The following LIMS2 variants were observed in gnomAD, a reference collection of about 807,000 sequenced individuals.
The protein encoded by LIMS2 is LIM and senescent cell antigen-like-containing domain protein 2.
LIMS2 carries 30 observed loss-of-function variants against 45.3 expected under a neutral mutation model. The ratio of observed to expected loss-of-function variants is 0.66; its 90% CI spans 0.50 to 0.90. LIMS2 has a LOEUF of 0.90. Among genes scored for constraint, LIMS2 ranks in the 40% least tolerant of loss-of-function variants. The pLI is 0.00. For missense variants in LIMS2, 485 were observed against 468.7 expected (o/e 1.03, Z -0.32); for synonymous variants, 173 against 188.0 (o/e 0.92, Z 0.65).
rs1338071828 is a variant in LIMS2 at position 127,664,280 on chromosome 2, C to T, written c.12-6718G>A. The T allele has an allele frequency of 2.4e-6, 3 of 1,234,130 alleles. No individual in the cohort carries two copies. Among genetic ancestry groups the T allele is most frequent in the Non-Finnish European group, 3.0e-6 (3 of 989,658 alleles). The allele number at this position is 1,234,130 out of a possible 1,614,324, so 76.4% of individuals were successfully genotyped here. A position where few individuals can be genotyped will look rare whatever the true frequency, so the allele number is the denominator to read the frequency against. ...GCAGCTTTCCGGCCATTGTCCCCGC[C>T]ACCCGCCCCGCCCCTGGCCACCTAC... On this transcript the variant is annotated intron_variant, in intron 1 of 9. Transcript: ENST00000355119. The surrounding 1 kb of genome is among the most constrained non-coding windows in gnomAD (Gnocchi z 5.5).
rs756870297 is a variant in LIMS2 at position 127,640,918 on chromosome 2, T to G, written c.731A>C (p.Tyr244Ser). 1.2e-6 allele frequency: 2 copies of G among 1,613,732 alleles called. No homozygotes were observed. Among genetic ancestry groups the G allele is most frequent in the East Asian group, 4.5e-5 (2 of 44,894 alleles). Residue 244 changes from tyrosine to serine, a missense_variant, in exon 7 of 10, where the codon TAC (tyrosine) becomes TCC (serine). Transcript: ENST00000355119. The part of the protein sequence containing the change: ...HRHYEKKGLA[Y>S]CETHYNQLFG... ...CACCTGGTTGTAGTGAGTCTCGCAGTAGGCCAGGCCCTTCTTCTCATAGTG... is the reference window on the plus strand; with the variant it reads ...CACCTGGTTGTAGTGAGTCTCGCAGGAGGCCAGGCCCTTCTTCTCATAGTG...
Position 127,642,959 on chromosome 2 carries a change from G to T in LIMS2, c.473C>A (p.Ala158Asp). The T allele has an allele frequency of 6.4e-7, 1 of 1,567,736 alleles. No individual in the cohort carries two copies. Among genetic ancestry groups the T allele is most frequent in the African/African-American group, 1.4e-5 (1 of 73,902 alleles). Residue 158 changes from alanine (A) to aspartate (D), a missense_variant, in exon 5 of 10, where the codon GCC becomes GAC. Transcript: ENST00000355119. The surrounding 1 kb of genome is among the most constrained non-coding windows in gnomAD (Gnocchi z 5.3). ...DEQPLMFRSD[A>D]YHPDHFNCTH... ...GCAGTTGAAGTGGTCAGGGTGGTAG[G>T]CGTCGCTCCTGAACATGAGGGGCTG...
intron 4 of LIMS2, among the ~76,000 whole-genome samples, chr2:127,649,039 AAGAAAG>A (rs1225064760): frequency 9.1e-6 from 1 of 109,844 alleles, no homozygotes; most frequent in Non-Finnish European, 2.1e-5. Context: ...AAGAAAAAGA[AAGAAAG>A]AGAAAAGAAG....
chr2:127,640,430 C>T (rs945053517), intron 7 of LIMS2, 112 bp from the exon 8 acceptor site: 3 of 1,186,890 alleles, frequency 2.5e-6, no homozygotes, highest in Admixed American at 3.9e-5. Flanking sequence ...ATCTCCCAGG[C>T]CCTGCCTCCC....
chr2:127,674,579 T>G (rs778775674), intron 1 of LIMS2: 3 of 950,874 alleles, frequency 3.2e-6, no homozygotes, highest in Non-Finnish European at 3.8e-6. Context: ...CCACCCCAGG[T>G]TTACAGAGGA....
chr2:127,644,513 GCCTATGGCGGCCAGC>G (rs1254886902), intron 4 of LIMS2, among the ~76,000 whole-genome samples: 1 of 152,106 alleles, frequency 6.6e-6, no homozygotes, highest in Non-Finnish European at 1.5e-5. Flanking sequence ...CCCACCTGGC[GCCTATGGCGGCCAGC>G]CCATGCCCCC....
chr2:127,673,518 G>T (rs985676772), intron 1 of LIMS2, among the ~76,000 whole-genome samples: 6 of 152,142 alleles, frequency 3.9e-5, no homozygotes, highest in African/African-American at 1.4e-4. Flanking sequence ...CTCACCTGAC[G>T]GCCTCCGTCT....
chr2:127,651,092 C>T (rs375590820), intron 4 of LIMS2: 3 of 1,613,740 alleles, frequency 1.9e-6, no homozygotes, highest in Non-Finnish European at 2.5e-6. Context: ...ACGCCAGCAT[C>T]TACTTCCTCA....
chr2:127,649,309 G>A (rs1411524863), intron 4 of LIMS2, among the ~76,000 whole-genome samples: 1 of 152,198 alleles, frequency 6.6e-6, no homozygotes, highest in Non-Finnish European at 1.5e-5. Context: ...TGCCAGGGCT[G>A]TGGCCCGTGC....
rs1684852360 is a variant in LIMS2, at chr2:127,664,128, A to G, written c.12-6566T>C. ...GGAGAGCTGATCACAGGTGACATCC[A>G]ACCCTGTTAGATAAAGTCGCACGCG... On this transcript the variant is annotated intron_variant, in intron 1 of 9. Coordinates refer to ENST00000355119, the MANE Select transcript of LIMS2 (RefSeq NM_001161403.3). This position sits in a 1 kb window ranked among gnomAD's most constrained non-coding sequence, Gnocchi z 5.5. Among the ~76,000 whole-genome samples, 1 of 151,978 alleles carries G rather than the reference A, an allele frequency of 6.6e-6. No homozygotes were observed.
At position 127,642,208 on chromosome 2, in the gene LIMS2, C is replaced by T. The variant is rs1004608494; in HGVS notation, c.510-9G>A. 1 of 1,536,020 alleles carries T rather than the reference C, an allele frequency of 6.5e-7. No homozygotes were observed. The highest frequency in any genetic ancestry group is 1.8e-4 in the Middle Eastern group (1 of 5,438). ...CGGCTGTCAGCTCCTTCCTGGAAGA[C>T]AGCGTGCAGCCCCCAGGTGCCACCC... On this transcript the variant is annotated splice_polypyrimidine_tract_variant and intron_variant, in intron 5 of 9. Transcript: ENST00000355119. The surrounding 1 kb of genome is among the most constrained non-coding windows in gnomAD (Gnocchi z 5.3).
At chr2:127,650,132 G>C in intron 4 of LIMS2, 1 of 1,490,432 alleles carries the variant, frequency 6.7e-7, no homozygotes, top group Non-Finnish European at 9.2e-7. Flanking sequence ...CTGCCATCCT[G>C]GGGGCACCCT....
At position 127,642,345 on chromosome 2, in the gene LIMS2, C is replaced by T. The variant is rs933203767; in HGVS notation, c.510-146G>A. On this transcript the variant is annotated intron_variant, in intron 5 of 9. Transcript: ENST00000355119. The surrounding 1 kb of genome is among the most constrained non-coding windows in gnomAD (Gnocchi z 5.3). ...GCGGCAGCGCCTTCTGATCTCTGGGCACTTTGAAGACTTCCTGTGCCCCAG... is the reference window on the plus strand; with the variant it reads ...GCGGCAGCGCCTTCTGATCTCTGGGTACTTTGAAGACTTCCTGTGCCCCAG... 1.1e-5 allele frequency: 10 copies of T among 918,358 alleles called. No individual in the cohort carries two copies. In the East Asian group the frequency reaches 2.8e-4, roughly 26 times the overall value. The allele number at this position is 918,358 out of a possible 1,614,324, so 56.9% of individuals were successfully genotyped here. A position where few individuals can be genotyped will look rare whatever the true frequency, so the allele number is the denominator to read the frequency against.
chr2:127,672,629 G>T lies in LIMS2; in HGVS notation c.11+2385C>A, dbSNP rs145782676. On this transcript the variant is annotated intron_variant, in intron 1 of 9. Transcript: ENST00000355119. The surrounding 1 kb of genome is among the most constrained non-coding windows in gnomAD (Gnocchi z 4.9). ...TGAGTCAGCCTCCTCTCCTCCACCC[G>T]CTCAGCCACCCAGGAGAGGCCTCCC... Among the ~76,000 whole-genome samples the T allele has an allele frequency of 6.6e-6, 1 of 152,056 alleles. No homozygotes were observed. The highest frequency in any genetic ancestry group is 2.4e-5 in the African/African-American group (1 of 41,418).
Position 127,675,055 on chromosome 2 carries a change from G to A in LIMS2, c.-31C>T. ...CAGCGACGCCGAGCCCTGGGTTGCC[G>A]GGGTTGCCGCGGGTCTCCCTCTGCT... On this transcript the variant is annotated 5_prime_UTR_variant, in exon 1 of 10. Coordinates refer to ENST00000355119, the MANE Select transcript of LIMS2 (RefSeq NM_001161403.3). 4.9e-6 allele frequency: 5 copies of A among 1,025,716 alleles called. No homozygotes were observed. Among genetic ancestry groups the A allele is most frequent in the African/African-American group, 1.7e-5 (1 of 58,606 alleles). 63.5% of individuals were successfully genotyped at this position (1,025,716 alleles called of 1,614,324 possible).
chr2:127,676,492 A>G (rs1029025029), upstream of LIMS2, among the ~76,000 whole-genome samples: 5 of 145,040 alleles, frequency 3.4e-5, no homozygotes, highest in African/African-American at 1.3e-4. Flanking sequence ...GCTCACTGCA[A>G]CCTCCGCCTC....
chr2:127,664,235 G>A lies in LIMS2; in HGVS notation c.12-6673C>T. The A allele has an allele frequency of 8.4e-7, 1 of 1,185,778 alleles. No homozygotes were observed. 73.5% of individuals were successfully genotyped at this position (1,185,778 alleles called of 1,614,324 possible). ...GGAGGGCCCCGGTCGGGTTTCCGAG[G>A]GAAGGCCTGCCCTGCCGCCGCAGCT... On this transcript the variant is annotated intron_variant, in intron 1 of 9. Transcript: ENST00000355119. This position sits in a 1 kb window ranked among gnomAD's most constrained non-coding sequence, Gnocchi z 5.5.
Position 127,639,194 on chromosome 2 carries a change from A to T in LIMS2, c.*87T>A. The T allele has an allele frequency of 7.1e-7, 1 of 1,410,300 alleles. No homozygotes were observed. Among genetic ancestry groups the T allele is most frequent in the Non-Finnish European group, 9.8e-7 (1 of 1,019,598 alleles). 87.4% of individuals were successfully genotyped at this position (1,410,300 alleles called of 1,614,324 possible). On this transcript the variant is annotated 3_prime_UTR_variant, in exon 10 of 10. Coordinates refer to ENST00000355119, the MANE Select transcript of LIMS2 (RefSeq NM_001161403.3). Reference sequence around the variant, plus strand: ...AAAGGGAGGGTAAGATGCGGAGGGCACAGGTGGATGGGGACGAGGGGGCCA... The same window carrying T: ...AAAGGGAGGGTAAGATGCGGAGGGCTCAGGTGGATGGGGACGAGGGGGCCA...
At chr2:127,650,222 G>A (rs987359406) in intron 4 of LIMS2, 8 of 688,280 alleles carry the variant, frequency 1.2e-5, no homozygotes, top group Non-Finnish European at 1.7e-5. Flanking sequence ...GGGCAGGTGG[G>A]TCAGGGAGGG....
Sources: allele counts gnomAD v4.1 joint callset (sites outside exome capture counted in the v4.1 genomes callset), GRCh38; gene constraint gnomAD v4.1.1; non-coding constraint Gnocchi (gnomAD v3.1); transcripts MANE v1.5; gene names NCBI Gene and HGNC (gene_info 2026-07-23, HGNC 2026-07-21).